TLN2: variants seen among roughly 807,000 people sequenced by gnomAD.
The protein encoded by TLN2 is talin-2.
A neutral mutation model predicts 294.7 loss-of-function variants in TLN2; 118 were observed. That is an observed-to-expected ratio of 0.40 (90% CI 0.34 to 0.47). The LOEUF (loss-of-function observed/expected upper bound fraction) is 0.47, where lower values mean the gene tolerates loss of function less well. Ranked by LOEUF, TLN2 falls within the 20% of genes least tolerant of loss-of-function variation. The probability of loss-of-function intolerance (pLI) is 0.84; values close to 1 mark genes in which losing one functional copy is unlikely to be tolerated. For missense variants in TLN2, 3,083 were observed against 3,282.2 expected, an observed-to-expected ratio of 0.94 and a Z score of 1.48; for synonymous variants, 1,431 against 1,304.5, an observed-to-expected ratio of 1.10 and a Z score of -2.09.
At chr15:62,586,625 C>T (rs2045634259) in intron 1 of TLN2, among the ~76,000 whole-genome samples, 1 of 152,132 alleles carries the variant, frequency 6.6e-6, no homozygotes, top group Non-Finnish European at 1.5e-5. Context: ...TTTATAATCT[C>T]CATAGAAAAC....
At chr15:62,782,350 C>T (rs2064250323) in intron 44 of TLN2, among the ~76,000 whole-genome samples, 1 of 152,232 alleles carries the variant, frequency 6.6e-6, no homozygotes, top group Non-Finnish European at 1.5e-5. Context: ...TCTTGTCCTT[C>T]TCAGGGGAGC....
chr15:62,650,236 C>T (rs2052432555), intron 5 of TLN2, 55 bp downstream of exon 5: 8 of 1,553,616 alleles, frequency 5.1e-6, no homozygotes, highest in Middle Eastern at 1.8e-4. Flanking sequence ...GGGCCTTCTT[C>T]CATAGACGCC....
intron 34 of TLN2, among the ~76,000 whole-genome samples, 167 bp downstream of exon 34, chr15:62,750,658 CG>C (rs2061885238): frequency 6.6e-6 from 1 of 152,168 alleles, no homozygotes; most frequent in Admixed American, 6.5e-5. Context: ...TCAAACTTGA[CG>C]GTGCATCAGA....
At chr15:62,614,205 C>A (rs192063635) in intron 2 of TLN2, among the ~76,000 whole-genome samples, 1 of 152,292 alleles carries the variant, frequency 6.6e-6, no homozygotes, top group Admixed American at 6.5e-5. Context: ...TGCTGTAGCA[C>A]AGAATTCATC....
At chr15:62,503,242 T>C (rs1567037136) in intron 1 of TLN2, among the ~76,000 whole-genome samples, 1 of 152,224 alleles carries the variant, frequency 6.6e-6, no homozygotes, top group Non-Finnish European at 1.5e-5. Context: ...AAAAGTCACT[T>C]ACTCAGTGAA....
intron 29 of TLN2, among the ~76,000 whole-genome samples, chr15:62,737,898 C>G (rs1394482655): frequency 6.6e-6 from 1 of 152,214 alleles, no homozygotes; most frequent in East Asian, 1.9e-4. Context: ...GCTTTAGAAC[C>G]TGACCTCATG....
chr15:62,541,084 G>T (rs1431791920), intron 1 of TLN2, among the ~76,000 whole-genome samples: 1 of 152,138 alleles, frequency 6.6e-6, no homozygotes, highest in Non-Finnish European at 1.5e-5. Context: ...TTCGCACGGG[G>T]CTGGGGATGA....
At chr15:62,677,689 CTCCTTCCTTCT>C (rs1171025026) in intron 11 of TLN2, among the ~76,000 whole-genome samples, 189 of 151,816 alleles carry the variant, frequency 1.2e-3, no homozygotes, top group African/African-American at 4.4e-3. Flanking sequence ...TTCTTCCTTC[CTCCTTCCTTCT>C]CTCTCCCTTT....
intron 1 of TLN2, among the ~76,000 whole-genome samples, chr15:62,499,851 C>T (rs2039213459): frequency 6.6e-6 from 1 of 152,150 alleles, no homozygotes; most frequent in Middle Eastern, 3.4e-3. Flanking sequence ...GATCTGCCCG[C>T]CTGGACTTCC....
intron 1 of TLN2, among the ~76,000 whole-genome samples, chr15:62,581,446 C>G (rs909440880): frequency 4.6e-5 from 7 of 152,166 alleles, no homozygotes; most frequent in African/African-American, 1.7e-4. Context: ...TGATGAATAA[C>G]ACTTACCTAT....
At chr15:62,655,923 A>T (rs563916352) in intron 7 of TLN2, 21 bp from the exon 8 acceptor site, 3 of 1,613,746 alleles carry the variant, frequency 1.9e-6, no homozygotes, top group East Asian at 4.5e-5. Context: ...CAGTTCTCTT[A>T]TATGTCTTGT....
chr15:62,457,506 A>ACTGCAGAGGAATTGGGCCCCGTCTTC (rs1475898539), intron 1 of TLN2, among the ~76,000 whole-genome samples: 1 of 152,168 alleles, frequency 6.6e-6, no homozygotes, highest in Non-Finnish European at 1.5e-5. Flanking sequence ...GAGGCTGGTG[A>ACTGCAGAGGAATTGGGCCCCGTCTTC]CTGCAGAGGA....
chr15:62,423,947 C>G (rs1461027140), intron 1 of TLN2, among the ~76,000 whole-genome samples: 1 of 152,112 alleles, frequency 6.6e-6, no homozygotes, highest in African/African-American at 2.4e-5. Flanking sequence ...GTAACTTTCC[C>G]TCTTTTCAAA....
At chr15:62,797,464 C>A in intron 48 of TLN2, 62 bp downstream of exon 48, 1 of 1,500,386 alleles carries the variant, frequency 6.7e-7, no homozygotes, top group East Asian at 2.3e-5. Flanking sequence ...CACATCGGGC[C>A]TCAGAAGAGG....
At chr15:62,746,760 T>A (rs934548007) in intron 32 of TLN2, among the ~76,000 whole-genome samples, 3 of 152,218 alleles carry the variant, frequency 2.0e-5, no homozygotes, top group African/African-American at 7.2e-5. Flanking sequence ...CTGAGTCGAA[T>A]TCTGGGCCCT....
intron 1 of TLN2, among the ~76,000 whole-genome samples, chr15:62,422,616 C>CT (rs1230465245): frequency 6.6e-6 from 1 of 152,116 alleles, no homozygotes; most frequent in Non-Finnish European, 1.5e-5. Context: ...GATACCTTCT[C>CT]TTAAGAGTGT....
At chr15:62,584,556 C>T (rs2045429585) in intron 1 of TLN2, among the ~76,000 whole-genome samples, 1 of 152,186 alleles carries the variant, frequency 6.6e-6, no homozygotes, top group Non-Finnish European at 1.5e-5. Context: ...AAAGTCAGTG[C>T]AGGGAAGCCA....
intron 1 of TLN2, among the ~76,000 whole-genome samples, chr15:62,532,226 T>A (rs1381325185): frequency 6.6e-6 from 1 of 151,772 alleles, no homozygotes; most frequent in Admixed American, 6.6e-5. Flanking sequence ...CGTGGGTTGT[T>A]TGTTTGTTTT....
At chr15:62,666,086 G>T (rs59596043) in intron 9 of TLN2, among the ~76,000 whole-genome samples, 1 of 152,180 alleles carries the variant, frequency 6.6e-6, no homozygotes, top group Non-Finnish European at 1.5e-5. Flanking sequence ...GAACCGCTGA[G>T]GGTATCCAGC....
Sources: gnomAD v4.1 joint callset for allele counts (sites outside exome capture counted in the v4.1 genomes callset) on GRCh38, gnomAD v4.1.1 for gene constraint, MANE v1.5 for transcripts, NCBI Gene and HGNC (gene_info 2026-07-23, HGNC 2026-07-21) for gene names.